The following CACNG7 variants were observed in gnomAD, a reference collection of about 807,000 sequenced individuals.
The protein encoded by CACNG7 is calcium voltage-gated channel auxiliary subunit gamma 7.
Under a neutral mutation model 26.3 loss-of-function variants are expected in CACNG7, and 9 were observed. The ratio of observed to expected loss-of-function variants is 0.34; its 90% CI spans 0.21 to 0.60. The LOEUF (loss-of-function observed/expected upper bound fraction) is 0.60, where lower values mean the gene tolerates loss of function less well. Ranked by LOEUF, CACNG7 falls within the 20% of genes least tolerant of loss-of-function variation. CACNG7 has a pLI of 0.81. For synonymous variants in CACNG7, 170 were observed against 157.0 expected, an observed-to-expected ratio of 1.08 and a Z score of -0.62; for missense variants, 297 against 380.4, an observed-to-expected ratio of 0.78 and a Z score of 1.82.
intron 4 of CACNG7, among the ~76,000 whole-genome samples, chr19:53,927,008 T>TGTACA (rs2069036062): frequency 6.6e-6 from 1 of 152,136 alleles, no homozygotes; most frequent in South Asian, 2.1e-4. Context: ...TCACCCAGGC[T>TGTACA]GGAGTACAGT....
At chr19:53,916,956 C>T (rs2068902982) in intron 4 of CACNG7, among the ~76,000 whole-genome samples, 1 of 152,100 alleles carries the variant, frequency 6.6e-6, no homozygotes, top group African/African-American at 2.4e-5. Context: ...TGCCACCATG[C>T]CCAGCTAATT....
intron 4 of CACNG7, among the ~76,000 whole-genome samples, chr19:53,932,252 TAAA>T (rs765449244): frequency 9.4e-5 from 5 of 53,228 alleles, no homozygotes; most frequent in Non-Finnish European, 1.2e-4. Context: ...AGGCCCTGTC[TAAA>T]AAAAAAAAAA....
chr19:53,913,210 CA>C (rs2068871966), intron 2 of CACNG7, among the ~76,000 whole-genome samples, 183 bp downstream of exon 2: 1 of 152,024 alleles, frequency 6.6e-6, no homozygotes, highest in Non-Finnish European at 1.5e-5. Context: ...CTAGGAGCCC[CA>C]ATGCTCCAGG....
Position 53,915,350 on chromosome 19 carries a change from C to T in CACNG7, c.284-15C>T, listed in dbSNP as rs915437673. On this transcript the variant is annotated splice_polypyrimidine_tract_variant and intron_variant, in intron 3 of 5. Transcript: ENST00000391767. ...ATTCCCCCCTCACCCCTGTCTCTCC[C>T]CATCCCCTCCCCAGAGACAGTGCGC... The T allele has an allele frequency of 6.3e-7, 1 of 1,599,328 alleles. No individual in the cohort carries two copies. The highest frequency in any genetic ancestry group is 8.6e-7 in the Non-Finnish European group (1 of 1,166,716).
intron 4 of CACNG7, among the ~76,000 whole-genome samples, chr19:53,920,742 G>C (rs1279162566): frequency 2.7e-5 from 3 of 113,142 alleles, no homozygotes; most frequent in Non-Finnish European, 1.7e-5. Flanking sequence ...GCTGGTCATT[G>C]GTGGAGTTGC....
At chr19:53,921,442 G>C (rs1423510331) in intron 4 of CACNG7, among the ~76,000 whole-genome samples, 2 of 149,642 alleles carry the variant, frequency 1.3e-5, no homozygotes, top group Non-Finnish European at 1.5e-5. Context: ...CATTGGTGGA[G>C]TTGCCCCAGG....
At position 53,912,764 on chromosome 19, in the gene CACNG7, G is replaced by C. The variant is rs578090100; in HGVS notation, c.-29-39G>C. ...CTGCATGGGGTCAAGCACTCTGGTC[G>C]GTCCCATGGAGCTCTGCACTGTAGC... On this transcript the variant is annotated intron_variant, in intron 1 of 5. Transcript: ENST00000391767. The surrounding 1 kb of genome is among the most constrained non-coding windows in gnomAD (Gnocchi z 4.6). The C allele has an allele frequency of 1.9e-4, 295 of 1,532,052 alleles. 2 individuals are homozygous for C. In the African/African-American group the frequency reaches 3.8e-3, roughly 20 times the overall value. The allele number at this position is 1,532,052 out of a possible 1,614,324, so 94.9% of individuals were successfully genotyped here. A position where few individuals can be genotyped will look rare whatever the true frequency, so the allele number is the denominator to read the frequency against.
intron 4 of CACNG7, among the ~76,000 whole-genome samples, chr19:53,937,672 C>T (rs1324786177): frequency 6.8e-6 from 1 of 146,016 alleles, no homozygotes; most frequent in East Asian, 2.1e-4. Context: ...CTCATTGCAA[C>T]CTCTGCTTCC....
intron 5 of CACNG7, 87 bp downstream of exon 5, chr19:53,941,702 C>A (rs2069138479): frequency 2.0e-6 from 3 of 1,476,038 alleles, no homozygotes; most frequent in Admixed American, 2.2e-5. Context: ...GAAGGAGAGG[C>A]TGGAGATGCA....
At chr19:53,924,451 G>A (rs1444822589) in intron 4 of CACNG7, among the ~76,000 whole-genome samples, 1 of 150,428 alleles carries the variant, frequency 6.6e-6, no homozygotes, top group East Asian at 2.0e-4. Flanking sequence ...AGTTGTCCCA[G>A]GTCTGGTCAT....
intron 4 of CACNG7, among the ~76,000 whole-genome samples, chr19:53,934,256 T>C (rs1013417602): frequency 2.0e-5 from 3 of 152,222 alleles, no homozygotes; most frequent in South Asian, 4.1e-4. Flanking sequence ...TTTCCTTGTA[T>C]TTTCTGTAAC....
chr19:53,924,199 TGTCCCA>T, intron 4 of CACNG7, among the ~76,000 whole-genome samples: 1 of 143,468 alleles, frequency 7.0e-6, no homozygotes, highest in East Asian at 2.2e-4. Flanking sequence ...TTGGTGGAGT[TGTCCCA>T]GGTCTGGTCA....
intron 4 of CACNG7, among the ~76,000 whole-genome samples, chr19:53,922,277 C>G (rs28533857): frequency 1.5e-3 from 86 of 55,940 alleles, no homozygotes; most frequent in African/African-American, 6.9e-3. Flanking sequence ...GTCATTGGTG[C>G]AGTTGCCCCA....
chr19:53,928,651 T>C (rs1210142894), intron 4 of CACNG7, among the ~76,000 whole-genome samples: 2 of 151,994 alleles, frequency 1.3e-5, no homozygotes, highest in Non-Finnish European at 2.9e-5. Flanking sequence ...GAGGCAGGTG[T>C]TGTCAGCAGG....
At position 53,940,784 on chromosome 19, in the gene CACNG7, G is replaced by T. The variant is rs977332260; in HGVS notation, c.425-686G>T. Among the ~76,000 whole-genome samples, 2 of 152,126 alleles carry T rather than the reference G, an allele frequency of 1.3e-5. No homozygotes were observed. Among genetic ancestry groups the T allele is most frequent in the Non-Finnish European group, 2.9e-5 (2 of 68,036 alleles). ...GCCTCATCCTTTAAGGCCGGGCGCG[G>T]TGGCTCAAACCTGTAATCTTAGCAT... On this transcript the variant is annotated intron_variant, in intron 4 of 5. Transcript: ENST00000391767. The surrounding 1 kb of genome is among the most constrained non-coding windows in gnomAD (Gnocchi z 4.1).
intron 4 of CACNG7, among the ~76,000 whole-genome samples, chr19:53,929,881 G>A (rs943422926): frequency 6.6e-6 from 1 of 152,150 alleles, no homozygotes; most frequent in Non-Finnish European, 1.5e-5. Flanking sequence ...GGCTTTTCTA[G>A]ATGTTCCAGC....
intron 4 of CACNG7, among the ~76,000 whole-genome samples, chr19:53,937,882 C>T (rs373686412): frequency 1.1e-4 from 16 of 152,070 alleles, no homozygotes; most frequent in East Asian, 3.9e-4. Flanking sequence ...TAAGCCACTG[C>T]GCCTGGCCCA....
intron 4 of CACNG7, among the ~76,000 whole-genome samples, chr19:53,925,474 G>GTTGTCCCAGGCTGGTCATTGGTGGAC (rs1568778537): frequency 1.3e-4 from 8 of 62,218 alleles, no homozygotes; most frequent in African/African-American, 8.6e-4. Context: ...CATTGGTGGA[G>GTTGTCCCAGGCTGGTCATTGGTGGAC]TTGCCCCAGG....
intron 4 of CACNG7, among the ~76,000 whole-genome samples, chr19:53,925,180 G>C (rs142576354): frequency 1.7e-3 from 187 of 109,298 alleles, no homozygotes; most frequent in Middle Eastern, 0.012. Context: ...CATTGGTGAA[G>C]TTGCCCCAGG....
Sources: allele counts gnomAD v4.1 joint callset (sites outside exome capture counted in the v4.1 genomes callset), GRCh38; gene constraint gnomAD v4.1.1; non-coding constraint Gnocchi (gnomAD v3.1); transcripts MANE v1.5; gene names NCBI Gene and HGNC (gene_info 2026-07-23, HGNC 2026-07-21).